ANKRD13B: variants seen among roughly 807,000 people sequenced by gnomAD.
ANKRD13B encodes the protein ankyrin repeat domain-containing protein 13B.
Under a neutral mutation model 74.4 loss-of-function variants are expected in ANKRD13B, and 33 were observed. The ratio of observed to expected loss-of-function variants is 0.44; its 90% confidence interval spans 0.34 to 0.59. The LOEUF is 0.59. Among genes scored for constraint, ANKRD13B ranks in the 20% least tolerant of loss-of-function variants. The probability of loss-of-function intolerance (pLI) is 0.02; values close to 1 mark genes in which losing one functional copy is unlikely to be tolerated. For synonymous variants in ANKRD13B, 341 were observed against 362.9 expected (o/e 0.94, Z 0.68); for missense variants, 676 against 877.9 (o/e 0.77, Z 2.91).
At position 29,611,836 on chromosome 17, in the gene ANKRD13B, A is replaced by T; in HGVS notation, c.970-40A>T. 2.6e-6 allele frequency: 4 copies of T among 1,566,878 alleles called. No homozygotes were observed. The highest frequency in any genetic ancestry group is 3.5e-6 in the Non-Finnish European group (4 of 1,154,258). On this transcript the variant is annotated intron_variant, in intron 9 of 14. Coordinates refer to ENST00000394859, the MANE Select transcript of ANKRD13B (RefSeq NM_152345.5). This position sits in a 1 kb window ranked among gnomAD's most constrained non-coding sequence, Gnocchi z 4.3. ...ACAAATGAGTTGGCCTGGCATTAGGAACTGAGGGGAGCTCCTGGGCCCCTC... is the reference window on the plus strand; with the variant it reads ...ACAAATGAGTTGGCCTGGCATTAGGTACTGAGGGGAGCTCCTGGGCCCCTC...
In ANKRD13B at chr17:29,608,471, G is replaced by GTA. The variant is rs2034467163; in HGVS notation, c.421+231_421+232insTA. 6.6e-6 allele frequency among the ~76,000 whole-genome samples: 1 copy of GTA among 152,124 alleles called. No individual in the cohort carries two copies. The highest frequency in any genetic ancestry group is 2.4e-5 in the African/African-American group (1 of 41,414). On this transcript the variant is annotated intron_variant, in intron 4 of 14. Transcript: ENST00000394859. This position sits in a 1 kb window ranked among gnomAD's most constrained non-coding sequence, Gnocchi z 6.4. ...TTGCTTACTGTATTCATGACCTGCC[G>GTA]CTCCTTGTTAGAAGGTAAGCTCTGA...
rs2034516942 is a variant in ANKRD13B at position 29,609,769 on chromosome 17, C to T, written c.822+348C>T. Among the ~76,000 whole-genome samples, 1 of 152,160 alleles carries T rather than the reference C, an allele frequency of 6.6e-6. No individual in the cohort carries two copies. Among genetic ancestry groups the T allele is most frequent in the African/African-American group, 2.4e-5 (1 of 41,426 alleles). On this transcript the variant is annotated intron_variant, in intron 7 of 14. Transcript: ENST00000394859. This position sits in a 1 kb window ranked among gnomAD's most constrained non-coding sequence, Gnocchi z 4.0. ...ACCCCAGGAAGTAGGGATGATCGGT[C>T]CATTTTATGATGAGGAAATAGAGGC...
rs1404013902 is a variant in ANKRD13B, at chr17:29,609,192, G to T, written c.672G>T (p.Gln224His). 1 of 1,612,554 alleles carries T rather than the reference G, an allele frequency of 6.2e-7. No homozygotes were observed. The highest frequency in any genetic ancestry group is 2.2e-5 in the East Asian group (1 of 44,882). Reference sequence around the variant, plus strand: ...GGGAGCTGCTGCTGGCTGCTGCTCAGCCCACTGAGGAACAGGTGCTGAGCC... The same window carrying T: ...GGGAGCTGCTGCTGGCTGCTGCTCATCCCACTGAGGAACAGGTGCTGAGCC... The part of the protein sequence containing the change: ...QDRELLLAAA[Q>H]PTEEQVLSRL... Residue 224 changes from glutamine to histidine, a missense_variant, in exon 6 of 15, where the codon CAG becomes CAT. Around this residue, in one of 4 missense-constraint regions of ANKRD13B, gnomAD observed 328 missense variants for 518.4 expected, o/e 0.63. Transcript: ENST00000394859. The surrounding 1 kb of genome is among the most constrained non-coding windows in gnomAD (Gnocchi z 4.0).
chr17:29,613,041 C>T, intron 14 of ANKRD13B, 78 bp downstream of exon 14: 2 of 1,523,738 alleles, frequency 1.3e-6, no homozygotes, highest in Non-Finnish European at 1.8e-6. Context: ...CCGGAGAACC[C>T]GCGGGGCCCT....
At position 29,609,872 on chromosome 17, in the gene ANKRD13B, G is replaced by GT. The variant is rs1490415054; in HGVS notation, c.822+451_822+452insT. Among the ~76,000 whole-genome samples, 30 of 152,120 alleles carry GT rather than the reference G, an allele frequency of 2.0e-4. No homozygotes were observed. The highest frequency in any genetic ancestry group is 1.3e-4 in the Non-Finnish European group (9 of 68,022). ...TTGGGGTTCAGATCCTGGCTGGCCT[G>GT]ACCCTAGAGCCAGGCCTTTATCCCT... On this transcript the variant is annotated intron_variant, in intron 7 of 14. Transcript: ENST00000394859. The surrounding 1 kb of genome is among the most constrained non-coding windows in gnomAD (Gnocchi z 4.0).
Position 29,610,684 on chromosome 17 carries a change from G to A in ANKRD13B, c.823-1G>A. 1 of 1,613,892 alleles carries A rather than the reference G, an allele frequency of 6.2e-7. No homozygotes were observed. Among genetic ancestry groups the A allele is most frequent in the Non-Finnish European group, 8.5e-7 (1 of 1,179,862 alleles). On this transcript the variant is annotated splice_acceptor_variant, in intron 7 of 14. Coordinates refer to ENST00000394859, the MANE Select transcript of ANKRD13B (RefSeq NM_152345.5). LOFTEE classifies it high-confidence loss of function. ...TGAGCCCTTTCTTCATCTGTCCCCA[G>A]GTGTATGGGGCATCTAACGTGGAGC...
At chr17:29,601,773 A>C (rs1158773730) in intron 1 of ANKRD13B, among the ~76,000 whole-genome samples, 1 of 152,188 alleles carries the variant, frequency 6.6e-6, no homozygotes, top group South Asian at 2.1e-4. Context: ...AGAAAAAAAA[A>C]AAAAGAATTC....
chr17:29,596,606 T>C (rs1233863926), intron 1 of ANKRD13B, among the ~76,000 whole-genome samples: 1 of 152,124 alleles, frequency 6.6e-6, no homozygotes, highest in Non-Finnish European at 1.5e-5. Flanking sequence ...AACCCTGAAG[T>C]GGGCAGATTG....
intron 8 of ANKRD13B, 128 bp downstream of exon 8, chr17:29,610,894 G>C: frequency 2.2e-6 from 2 of 922,960 alleles, no homozygotes; most frequent in Non-Finnish European, 1.6e-6. Flanking sequence ...CAGGCCGATA[G>C]ATTTCAATTC....
chr17:29,610,554 C>T, intron 7 of ANKRD13B, 131 bp from the exon 8 acceptor site: 1 of 616,766 alleles, frequency 1.6e-6, no homozygotes, highest in Non-Finnish European at 2.7e-6. Context: ...CTCATATATT[C>T]ACTTACCCAA....
chr17:29,606,716 C>CCCTGT (rs2150892382), intron 1 of ANKRD13B, among the ~76,000 whole-genome samples: 1 of 122,900 alleles, frequency 8.1e-6, no homozygotes, highest in South Asian at 2.7e-4. Context: ...CATAGTGAGA[C>CCCTGT]CCTGTCTCAA....
chr17:29,599,865 G>GTTGTTGTTTTT (rs2034090930), intron 1 of ANKRD13B, among the ~76,000 whole-genome samples: 1 of 50,772 alleles, frequency 2.0e-5, no homozygotes, highest in African/African-American at 7.4e-5. Flanking sequence ...CATCTAATTT[G>GTTGTTGTTTTT]TTTTTTTTTT....
In ANKRD13B at chr17:29,609,705, T is replaced by C. The variant is rs566310645; in HGVS notation, c.822+284T>C. The stretch of plus-strand genomic sequence containing the variant: ...GTATTCCCATTTTACGCATGTTTAT[T>C]GAGTCCTTTCCTTGGCATCCCATTT... On this transcript the variant is annotated intron_variant, in intron 7 of 14. Transcript: ENST00000394859. The surrounding 1 kb of genome is among the most constrained non-coding windows in gnomAD (Gnocchi z 4.0). Among the ~76,000 whole-genome samples the C allele has an allele frequency of 2.0e-5, 3 of 152,318 alleles. No homozygotes were observed. The highest frequency in any genetic ancestry group is 3.9e-4 in the East Asian group (2 of 5,186).
chr17:29,608,339 C>A lies in ANKRD13B; in HGVS notation c.421+99C>A. On this transcript the variant is annotated intron_variant, in intron 4 of 14. Transcript: ENST00000394859. The surrounding 1 kb of genome is among the most constrained non-coding windows in gnomAD (Gnocchi z 6.4). ...TGTTCTCATAGTTCTTCCGGCGGTT[C>A]CCTCTATGCCTTAGCTCAGCTCAGG... is the stretch of plus-strand genomic sequence containing the variant. 1 of 1,504,654 alleles carries A rather than the reference C, an allele frequency of 6.6e-7. No homozygotes were observed. 93.2% of individuals were successfully genotyped at this position (1,504,654 alleles called of 1,614,324 possible). A position where few individuals can be genotyped will look rare whatever the true frequency, so the allele number is the denominator to read the frequency against.
Position 29,609,142 on chromosome 17 carries a change from A to T in ANKRD13B, c.622A>T (p.Thr208Ser), listed in dbSNP as rs150036930. The change falls in exon 6 of 15, where the codon ACT becomes TCT. Residue 208 changes from threonine to serine, a missense_variant. Transcript: ENST00000394859. The surrounding 1 kb of genome is among the most constrained non-coding windows in gnomAD (Gnocchi z 4.0). ...CGACCGCCGGGTGGTGTACACAGAG[A>T]CTCTGGCACTGGCTGGGCAGGACCG... ...DHDRRVVYTE[T>S]LALAGQDREL... is the part of the protein sequence containing the mutation. The T allele has an allele frequency of 6.2e-7, 1 of 1,612,016 alleles. No homozygotes were observed. Among genetic ancestry groups the T allele is most frequent in the African/African-American group, 1.3e-5 (1 of 74,816 alleles).
rs776667871 is a variant in ANKRD13B, at chr17:29,612,887, GT to G, written c.1577del (p.Val526AlafsTer7). 1 of 1,599,012 alleles carries G rather than the reference GT, an allele frequency of 6.3e-7. No individual in the cohort carries two copies. The highest frequency in any genetic ancestry group is 8.5e-7 in the Non-Finnish European group (1 of 1,179,570). ...LLEAGSEYDQ[V>X]TIWEALTNSK... ...GGCTAACGCCCACGCCTCCCCGCAG[GT>G]CACCATCTGGGAGGCGCTAACCAAC... On this transcript the variant is annotated frameshift_variant and splice_region_variant, in exon 14 of 15. Coordinates refer to ENST00000394859, the MANE Select transcript of ANKRD13B (RefSeq NM_152345.5). LOFTEE classifies it high-confidence loss of function. This position sits in a 1 kb window ranked among gnomAD's most constrained non-coding sequence, Gnocchi z 6.1.
At chr17:29,603,235 G>A (rs1273812165) in intron 1 of ANKRD13B, among the ~76,000 whole-genome samples, 2 of 152,176 alleles carry the variant, frequency 1.3e-5, no homozygotes, top group East Asian at 1.9e-4. Context: ...GCTTGATAAT[G>A]TCTTACAGAT....
chr17:29,593,530 GCCGGCCCCCCGCCCC>G lies in ANKRD13B; in HGVS notation c.-91_-77del. The G allele has an allele frequency of 2.3e-6, 1 of 441,518 alleles. No individual in the cohort carries two copies. Among genetic ancestry groups the G allele is most frequent in the East Asian group, 1.6e-4 (1 of 6,302 alleles). The allele number at this position is 441,518 out of a possible 1,614,324, so 27.4% of individuals were successfully genotyped here. On this transcript the variant is annotated 5_prime_UTR_variant, in exon 1 of 15. Transcript: ENST00000394859. ...AGCCGCAGCCCCGCGAGCAGGCAGC[GCCGGCCCCCCGCCCC>G]GCGGCCCCGGGCCCCGGCTCCGGCG...
In ANKRD13B at chr17:29,610,681, C is replaced by A. The variant is rs773226141; in HGVS notation, c.823-4C>A. The A allele has an allele frequency of 1.3e-4, 212 of 1,613,706 alleles. No homozygotes were observed. Among genetic ancestry groups the A allele is most frequent in the Non-Finnish European group, 1.2e-4 (137 of 1,179,848 alleles). Reference sequence around the variant, plus strand: ...TTATGAGCCCTTTCTTCATCTGTCCCCAGGTGTATGGGGCATCTAACGTGG... The same window carrying A: ...TTATGAGCCCTTTCTTCATCTGTCCACAGGTGTATGGGGCATCTAACGTGG... On this transcript the variant is annotated splice_polypyrimidine_tract_variant and splice_region_variant and intron_variant, in intron 7 of 14. Coordinates refer to ENST00000394859, the MANE Select transcript of ANKRD13B (RefSeq NM_152345.5).
Sources: gnomAD v4.1 joint callset for allele counts (sites outside exome capture counted in the v4.1 genomes callset) on GRCh38, gnomAD v4.1.1 for gene constraint, gnomAD v4.1.1 regional missense constraint, Gnocchi (gnomAD v3.1) non-coding constraint, MANE v1.5 for transcripts, NCBI Gene and HGNC (gene_info 2026-07-23, HGNC 2026-07-21) for gene names.